The following SYCE3 variants were observed in gnomAD, a reference collection of about 807,000 sequenced individuals.
SYCE3 encodes synaptonemal complex central element protein 3.
Under a neutral mutation model 8.1 loss-of-function variants are expected in SYCE3, and 3 were observed. The observed-to-expected ratio is 0.37, with a 90% CI of 0.17 to 0.96. The LOEUF (loss-of-function observed/expected upper bound fraction) is 0.96. Among genes scored for constraint, SYCE3 ranks in the 40% least tolerant of loss-of-function variants. SYCE3 has a pLI of 0.41. For synonymous variants in SYCE3, 36 were observed against 38.7 expected, an observed-to-expected ratio of 0.93 and a Z score of 0.26; for missense variants, 83 against 110.0, an observed-to-expected ratio of 0.75 and a Z score of 1.10.
chr22:50,558,055 G>A (rs999980013), intron 1 of SYCE3, among the ~76,000 whole-genome samples: 4 of 152,200 alleles, frequency 2.6e-5, no homozygotes, highest in African/African-American at 9.7e-5. Context: ...CTCAGAGCTA[G>A]GAAAACAGCA....
Position 50,551,255 on chromosome 22 carries a change from T to G in SYCE3, c.257A>C (p.Gln86Pro), listed in dbSNP as rs1485591566. 2 of 1,551,378 alleles carry G rather than the reference T, an allele frequency of 1.3e-6. 1 individual carries two copies. The highest frequency in any genetic ancestry group is 2.4e-5 in the South Asian group (2 of 84,060). ...GTGGGCCAGTGGGGCCTACAGCCTTTGCTTGGTCTCATGCAGCAGCTCTTG... is the reference window on the plus strand; with the variant it reads ...GTGGGCCAGTGGGGCCTACAGCCTTGGCTTGGTCTCATGCAGCAGCTCTTG... ...NWQELLHETK[Q>P]RL Residue 86 changes from glutamine to proline, a missense_variant, in exon 3 of 3, where the codon CAA (glutamine) becomes CCA (proline). Physicochemically the swap from Gln to Pro is moderately conservative, Grantham distance 76. Coordinates refer to ENST00000406915, the MANE Select transcript of SYCE3 (RefSeq NM_001123225.3).
At position 50,556,394 on chromosome 22, in the gene SYCE3, A is replaced by G. The variant is rs1049579556; in HGVS notation, c.12T>C (p.Ala4=). The G allele has an allele frequency of 1.9e-6, 3 of 1,551,552 alleles. No homozygotes were observed. Among genetic ancestry groups the G allele is most frequent in the African/African-American group, 2.7e-5 (2 of 73,178 alleles). Residue 4 remains alanine (A), a synonymous_variant, in exon 2 of 3, where the codon GCT becomes GCC. Coordinates refer to ENST00000406915, the MANE Select transcript of SYCE3 (RefSeq NM_001123225.3). ...TGTCATAGTTTCTTTCCTCAGGGTCAGCATCATCCATCTAGGCAATGCACA... is the reference window on the plus strand; with the variant it reads ...TGTCATAGTTTCTTTCCTCAGGGTCGGCATCATCCATCTAGGCAATGCACA... MDD[A]DPEERNYDNM...
intron 1 of SYCE3, among the ~76,000 whole-genome samples, chr22:50,558,358 G>T (rs369396028): frequency 6.6e-6 from 1 of 152,096 alleles, no homozygotes; most frequent in East Asian, 1.9e-4. Flanking sequence ...TTGAACCCGG[G>T]AGGTGGAGGT....
intron 2 of SYCE3, among the ~76,000 whole-genome samples, chr22:50,553,115 T>A (rs1237660439): frequency 6.6e-6 from 1 of 151,974 alleles, no homozygotes; most frequent in Non-Finnish European, 1.5e-5. Context: ...AAAAAAAGGA[T>A]CCCTTGAGCC....
chr22:50,557,686 C>T (rs905183149), intron 1 of SYCE3, among the ~76,000 whole-genome samples: 1 of 152,052 alleles, frequency 6.6e-6, no homozygotes, highest in Non-Finnish European at 1.5e-5. Flanking sequence ...ATTTGATGCT[C>T]ACCTATTTAT....
At chr22:50,555,084 T>C (rs1384491692) in intron 2 of SYCE3, among the ~76,000 whole-genome samples, 7 of 143,706 alleles carry the variant, frequency 4.9e-5, no homozygotes, top group Non-Finnish European at 9.0e-5. Context: ...ATCACGCCAC[T>C]GTACTCCAGC....
At chr22:50,561,487 G>C (rs891591813) in intron 1 of SYCE3, among the ~76,000 whole-genome samples, 6 of 151,532 alleles carry the variant, frequency 4.0e-5, no homozygotes, top group Non-Finnish European at 7.4e-5. Context: ...ACAATGGAAC[G>C]GAGCTTAGGA....
chr22:50,551,113 G>C lies in SYCE3; in HGVS notation c.*132C>G. The C allele has an allele frequency of 1.7e-6, 2 of 1,206,400 alleles. No homozygotes were observed. The highest frequency in any genetic ancestry group is 2.3e-6 in the Non-Finnish European group (2 of 870,568). 74.7% of individuals were successfully genotyped at this position (1,206,400 alleles called of 1,614,324 possible). On this transcript the variant is annotated 3_prime_UTR_variant, in exon 3 of 3. Coordinates refer to ENST00000406915, the MANE Select transcript of SYCE3 (RefSeq NM_001123225.3). ...ACAGGAGAGAAGAGGTCCTCGGGCT[G>C]TGCTTAAAAATAAGTTTATTAAGAA...
intron 2 of SYCE3, among the ~76,000 whole-genome samples, chr22:50,554,463 G>A (rs1291158968): frequency 2.6e-5 from 4 of 151,974 alleles, no homozygotes; most frequent in South Asian, 2.1e-4. Flanking sequence ...GGAGGCCAAG[G>A]CAGGTGGATC....
chr22:50,562,589 CGGGGTGA>C (rs1371564832), intron 1 of SYCE3, among the ~76,000 whole-genome samples: 2 of 34,702 alleles, frequency 5.8e-5, no homozygotes, highest in African/African-American at 1.4e-4. Flanking sequence ...AGGGGTGAGG[CGGGGTGA>C]GGGGTGAGGG....
chr22:50,556,148 A>T, intron 2 of SYCE3, 149 bp downstream of exon 2: 1 of 603,338 alleles, frequency 1.7e-6, no homozygotes, highest in Non-Finnish European at 2.9e-6. Context: ...CCTAAAATGT[A>T]TAAAAGCAAG....
intron 1 of SYCE3, among the ~76,000 whole-genome samples, chr22:50,560,388 G>A (rs1438815575): frequency 1.3e-5 from 2 of 152,142 alleles, no homozygotes; most frequent in African/African-American, 4.8e-5. Context: ...TCAGGAGGGT[G>A]AGGTGGGACA....
intron 1 of SYCE3, among the ~76,000 whole-genome samples, chr22:50,561,171 T>C (rs2069910924): frequency 6.6e-6 from 1 of 150,564 alleles, no homozygotes. Flanking sequence ...GCTTAAGGGG[T>C]GGTTGATGGT....
At chr22:50,555,687 T>C (rs2069853298) in intron 2 of SYCE3, among the ~76,000 whole-genome samples, 1 of 152,102 alleles carries the variant, frequency 6.6e-6, no homozygotes, top group South Asian at 2.1e-4. Context: ...CTTTAGACCA[T>C]AACTCTTTCA....
chr22:50,561,255 T>G (rs1438701647), intron 1 of SYCE3, among the ~76,000 whole-genome samples: 1 of 151,896 alleles, frequency 6.6e-6, no homozygotes, highest in Non-Finnish European at 1.5e-5. Context: ...CAGGTAGATT[T>G]GGGGATAGAG....
At position 50,551,332 on chromosome 22, in the gene SYCE3, A is replaced by G. The variant is rs1416881029; in HGVS notation, c.180T>C (p.Arg60=). ...RTNPTLAESM[R]RLEDAFVNCK... ...AGTTGACGAAGGCATCCTCCAGCCGACGCATGGACTCGGCCAGCGTAGGGT... is the reference window on the plus strand; with the variant it reads ...AGTTGACGAAGGCATCCTCCAGCCGGCGCATGGACTCGGCCAGCGTAGGGT... Residue 60 remains arginine, a synonymous_variant, in exon 3 of 3, where the codon CGT becomes CGC. Transcript: ENST00000406915. The G allele has an allele frequency of 1.3e-6, 2 of 1,551,278 alleles. No individual in the cohort carries two copies. Among genetic ancestry groups the G allele is most frequent in the Non-Finnish European group, 1.7e-6 (2 of 1,146,964 alleles).
chr22:50,560,532 G>A (rs1466706482), intron 1 of SYCE3, among the ~76,000 whole-genome samples: 1 of 149,528 alleles, frequency 6.7e-6, no homozygotes, highest in African/African-American at 2.5e-5. Flanking sequence ...AGACGTTTCA[G>A]GAGAGCCATA....
intron 2 of SYCE3, 90 bp downstream of exon 2, chr22:50,556,207 G>A (rs911215764): frequency 4.6e-6 from 4 of 871,764 alleles, no homozygotes; most frequent in Non-Finnish European, 7.2e-6. Flanking sequence ...TCCTGAGGCT[G>A]TGTCACAGGT....
At chr22:50,554,693 C>CAAAAA (rs35905749) in intron 2 of SYCE3, among the ~76,000 whole-genome samples, 47 of 78,528 alleles carry the variant, frequency 6.0e-4, no homozygotes, top group African/African-American at 2.6e-3. Context: ...GACTCCGTCT[C>CAAAAA]AAAAAAAAAA....
Sources: gnomAD v4.1 joint callset for allele counts (sites outside exome capture counted in the v4.1 genomes callset) on GRCh38, gnomAD v4.1.1 for gene constraint, MANE v1.5 for transcripts, NCBI Gene and HGNC (gene_info 2026-07-23, HGNC 2026-07-21) for gene names.